PTPRT: variants seen among roughly 807,000 people sequenced by gnomAD.
PTPRT encodes the protein receptor-type tyrosine-protein phosphatase T.
Under a neutral mutation model 176.8 loss-of-function variants are expected in PTPRT, and 56 were observed. That is an observed-to-expected ratio of 0.32 (90% CI 0.26 to 0.40). The LOEUF (loss-of-function observed/expected upper bound fraction) is 0.40. Among genes scored for constraint, PTPRT ranks in the 10% least tolerant of loss-of-function variants. The pLI, the probability that PTPRT is intolerant of heterozygous loss-of-function variation, is 1.00. For missense variants in PTPRT, 1,540 were observed against 1,908.2 expected (o/e 0.81, Z 3.60); for synonymous variants, 783 against 739.0 (o/e 1.06, Z -0.96).
At chr20:42,497,780 C>T (rs765662523) in intron 7 of PTPRT, among the ~76,000 whole-genome samples, 19 of 152,000 alleles carry the variant, frequency 1.3e-4, no homozygotes, top group Non-Finnish European at 2.4e-4. Flanking sequence ...ACATAAGAGC[C>T]GCATTCTCAA....
chr20:42,896,204 T>C (rs904911564), intron 1 of PTPRT, among the ~76,000 whole-genome samples: 1 of 151,936 alleles, frequency 6.6e-6, no homozygotes, highest in Admixed American at 6.6e-5. Context: ...GATCAGGGAC[T>C]GAGCCAAGAC....
chr20:42,189,006 G>A (rs934029820), intron 16 of PTPRT, among the ~76,000 whole-genome samples: 2 of 152,138 alleles, frequency 1.3e-5, no homozygotes, highest in East Asian at 3.9e-4. Context: ...ATCACACAAG[G>A]ACAGCTGACA....
chr20:42,379,682 G>A (rs1232699562), intron 9 of PTPRT, among the ~76,000 whole-genome samples: 2 of 152,228 alleles, frequency 1.3e-5, no homozygotes, highest in East Asian at 1.9e-4. Context: ...CAGACTGGCC[G>A]AGGCTTGATG....
chr20:42,834,412 C>T (rs367982300), intron 2 of PTPRT, among the ~76,000 whole-genome samples: 4 of 152,080 alleles, frequency 2.6e-5, no homozygotes, highest in South Asian at 2.1e-4. Context: ...TCACCTATTG[C>T]TCATGAGTAT....
intron 7 of PTPRT, among the ~76,000 whole-genome samples, chr20:42,495,220 A>G (rs564055159): frequency 1.8e-4 from 28 of 152,296 alleles, no homozygotes; most frequent in African/African-American, 6.7e-4. Context: ...ATAATCCAGG[A>G]AAGTGCTACA....
intron 4 of PTPRT, among the ~76,000 whole-genome samples, chr20:42,772,594 G>A (rs2077078592): frequency 6.6e-6 from 1 of 152,108 alleles, no homozygotes; most frequent in Non-Finnish European, 1.5e-5. Context: ...GCTCTCCATT[G>A]GCTGATAAAT....
intron 8 of PTPRT, among the ~76,000 whole-genome samples, chr20:42,460,937 T>C (rs1348033158): frequency 6.6e-6 from 1 of 152,160 alleles, no homozygotes; most frequent in African/African-American, 2.4e-5. Context: ...AATCCCAACA[T>C]TTTGAGAGGC....
At chr20:42,541,938 C>T (rs191739827) in intron 7 of PTPRT, among the ~76,000 whole-genome samples, 39 of 152,250 alleles carry the variant, frequency 2.6e-4, no homozygotes, top group Non-Finnish European at 5.3e-4. Context: ...TGAATTATAG[C>T]TCCCATAATC....
At chr20:42,264,384 T>C (rs1196542992) in intron 13 of PTPRT, among the ~76,000 whole-genome samples, 1 of 152,236 alleles carries the variant, frequency 6.6e-6, no homozygotes, top group Non-Finnish European at 1.5e-5. Flanking sequence ...TTTGAGCATC[T>C]GTTCTAAGAC....
chr20:42,977,363 T>G (rs1409238409), intron 1 of PTPRT, among the ~76,000 whole-genome samples: 1 of 152,236 alleles, frequency 6.6e-6, no homozygotes, highest in African/African-American at 2.4e-5. Context: ...AAATTTAAAC[T>G]CAGACTCTTC....
chr20:42,607,764 G>C (rs563573769), intron 7 of PTPRT, among the ~76,000 whole-genome samples: 1 of 152,144 alleles, frequency 6.6e-6, no homozygotes, highest in South Asian at 2.1e-4. Flanking sequence ...AGTGCACAGC[G>C]GGGGAGCCTG....
intron 7 of PTPRT, among the ~76,000 whole-genome samples, chr20:42,609,305 C>T (rs891414018): frequency 7.9e-5 from 12 of 151,994 alleles, no homozygotes; most frequent in African/African-American, 2.2e-4. Context: ...AACTCCTGAC[C>T]GCAAACGATC....
At chr20:42,257,643 A>C (rs796593587) in intron 13 of PTPRT, among the ~76,000 whole-genome samples, 2,767 of 19,136 alleles carry the variant, frequency 0.14, 37 homozygotes, top group African/African-American at 0.25. Context: ...ACCTCCCCCC[A>C]CCCCCCCCCC....
chr20:42,996,082 C>T (rs1293230562), intron 1 of PTPRT, among the ~76,000 whole-genome samples: 1 of 152,178 alleles, frequency 6.6e-6, no homozygotes, highest in Non-Finnish European at 1.5e-5. Context: ...TCCCTCTCTG[C>T]ATGTCATGGT....
chr20:43,160,981 T>C (rs2014679383), intron 1 of PTPRT, among the ~76,000 whole-genome samples: 1 of 151,640 alleles, frequency 6.6e-6, no homozygotes, highest in Non-Finnish European at 1.5e-5. Flanking sequence ...CTCAAACTCC[T>C]GGCCTCAAGT....
chr20:42,672,861 T>C (rs1004374301), intron 7 of PTPRT, among the ~76,000 whole-genome samples: 5 of 152,230 alleles, frequency 3.3e-5, no homozygotes, highest in Admixed American at 6.5e-5. Flanking sequence ...TAGCATCTTC[T>C]TGTGCTACGC....
At chr20:43,110,683 A>T (rs1259293594) in intron 1 of PTPRT, among the ~76,000 whole-genome samples, 7 of 152,222 alleles carry the variant, frequency 4.6e-5, no homozygotes, top group Non-Finnish European at 8.8e-5. Context: ...CGTTTATTAA[A>T]AATCACTCTG....
At chr20:42,085,703 C>G in intron 28 of PTPRT, 25 bp downstream of exon 28, 1 of 1,612,658 alleles carries the variant, frequency 6.2e-7, no homozygotes, top group Non-Finnish European at 8.5e-7. Flanking sequence ...AGGGGCTCAG[C>G]AAGCAATGGC....
intron 7 of PTPRT, among the ~76,000 whole-genome samples, chr20:42,567,935 G>A (rs1351445146): frequency 1.3e-5 from 2 of 151,662 alleles, no homozygotes; most frequent in Non-Finnish European, 2.9e-5. Flanking sequence ...AACACCCAAA[G>A]ACCAAAGACA....
Sources: gnomAD v4.1 joint callset for allele counts (sites outside exome capture counted in the v4.1 genomes callset) on GRCh38, gnomAD v4.1.1 for gene constraint, MANE v1.5 for transcripts, NCBI Gene and HGNC (gene_info 2026-07-23, HGNC 2026-07-21) for gene names.